The following RGPD2 variants were observed in gnomAD, a reference collection of about 807,000 sequenced individuals.
RGPD2 encodes the protein RANBP2-like and GRIP domain-containing protein 2.
In RGPD2, 2 loss-of-function variants were observed where a neutral mutation model predicts 36.0. The observed-to-expected ratio is 0.06, with a 90% CI of 0.02 to 0.17. RGPD2 has a LOEUF of 0.17. RGPD2 is among the 10% of genes least tolerant of loss of function. The pLI, the probability that RGPD2 is intolerant of heterozygous loss-of-function variation, is 1.00. For synonymous variants in RGPD2, 19 were observed against 163.8 expected, an observed-to-expected ratio of 0.12 and a Z score of 6.75; for missense variants, 40 against 464.3, an observed-to-expected ratio of 0.09 and a Z score of 8.40.
the RGPD2 span, among the ~76,000 whole-genome samples, chr2:87,947,747 T>C: frequency 1.3e-5 from 2 of 152,272 alleles, no homozygotes; most frequent in Non-Finnish European, 2.9e-5. Context: ...GCCATGCCAC[T>C]GAAAGGTCAT....
At chr2:87,877,029 G>A in the RGPD2 span, among the ~76,000 whole-genome samples, 2 of 152,276 alleles carry the variant, frequency 1.3e-5, no homozygotes, top group Non-Finnish European at 2.9e-5. Flanking sequence ...TGCAACCCCT[G>A]CTTTTTTCTG....
the RGPD2 span, among the ~76,000 whole-genome samples, chr2:87,831,396 T>C: frequency 6.6e-6 from 1 of 152,266 alleles, no homozygotes; most frequent in East Asian, 1.9e-4. Flanking sequence ...AGATGTAATA[T>C]TTGAATATGT....
At chr2:87,980,351 C>CAA in the RGPD2 span, among the ~76,000 whole-genome samples, 5 of 3,392 alleles carry the variant, frequency 1.5e-3, no homozygotes, top group African/African-American at 2.4e-3. Flanking sequence ...TACTCCGTCT[C>CAA]AAAAAAAAAA....
the RGPD2 span, among the ~76,000 whole-genome samples, chr2:87,866,532 C>T: frequency 1.3e-5 from 2 of 152,140 alleles, no homozygotes; most frequent in Non-Finnish European, 2.9e-5. Context: ...AGTGTTTGGC[C>T]TAGCCACCAC....
At chr2:87,884,441 CA>C in the RGPD2 span, among the ~76,000 whole-genome samples, 3 of 151,432 alleles carry the variant, frequency 2.0e-5, no homozygotes, top group East Asian at 3.8e-4. Context: ...AAGAAAATAA[CA>C]AAGGTCAGAG....
the RGPD2 span, among the ~76,000 whole-genome samples, chr2:87,948,379 G>A: frequency 6.7e-6 from 1 of 150,248 alleles, no homozygotes; most frequent in South Asian, 2.1e-4. Context: ...CAATTATTGT[G>A]TGCTTTTTTT....
chr2:87,911,694 G>A, the RGPD2 span, among the ~76,000 whole-genome samples: 5 of 152,132 alleles, frequency 3.3e-5, no homozygotes, highest in South Asian at 6.2e-4. Flanking sequence ...AAAATAGTGT[G>A]TTATACTGCT....
chr2:87,922,042 C>T, the RGPD2 span, among the ~76,000 whole-genome samples: 1 of 151,176 alleles, frequency 6.6e-6, no homozygotes, highest in African/African-American at 2.5e-5. Context: ...GCCTGTAATC[C>T]CAGCACTTTG....
the RGPD2 span, among the ~76,000 whole-genome samples, chr2:87,943,699 T>C: frequency 6.6e-6 from 1 of 151,806 alleles, no homozygotes; most frequent in African/African-American, 2.4e-5. Flanking sequence ...AAGTCTTTCC[T>C]ATAGCATCTT....
chr2:87,914,998 T>C, the RGPD2 span, among the ~76,000 whole-genome samples: 2 of 151,910 alleles, frequency 1.3e-5, no homozygotes, highest in African/African-American at 4.8e-5. Flanking sequence ...AAATACAAAA[T>C]TAGCGAGGCA....
At chr2:87,899,728 C>T in the RGPD2 span, among the ~76,000 whole-genome samples, 1 of 115,874 alleles carries the variant, frequency 8.6e-6, no homozygotes, top group Middle Eastern at 3.9e-3. Context: ...AAGCCACAGG[C>T]ACGGAGCTGC....
At chr2:87,871,588 G>A in the RGPD2 span, among the ~76,000 whole-genome samples, 75 of 150,828 alleles carry the variant, frequency 5.0e-4, no homozygotes, top group Non-Finnish European at 7.4e-4. Flanking sequence ...ATTCAGGTCC[G>A]GGTGCGGTGG....
the RGPD2 span, among the ~76,000 whole-genome samples, chr2:87,836,346 AAAAAGAAAAG>A: frequency 6.7e-6 from 1 of 148,998 alleles, no homozygotes; most frequent in Non-Finnish European, 1.5e-5. Flanking sequence ...AGGAAGGAAA[AAAAAGAAAAG>A]AAAAGAAAGG....
At chr2:87,915,435 ATG>A in the RGPD2 span, among the ~76,000 whole-genome samples, 9 of 138,092 alleles carry the variant, frequency 6.5e-5, no homozygotes, top group Admixed American at 3.0e-4. Context: ...GTATATATGT[ATG>A]TGTATATATA....
chr2:87,969,663 A>AG, the RGPD2 span, among the ~76,000 whole-genome samples: 6 of 106,404 alleles, frequency 5.6e-5, no homozygotes, highest in African/African-American at 2.1e-4. Context: ...GTCTCAAAAA[A>AG]AAAAAAAAAA....
chr2:87,966,282 G>A, the RGPD2 span, among the ~76,000 whole-genome samples: 354 of 150,692 alleles, frequency 2.3e-3, no homozygotes, highest in African/African-American at 7.4e-3. Flanking sequence ...GCAATGGAAC[G>A]AAAAATAAAG....
chr2:87,919,951 T>C, the RGPD2 span, among the ~76,000 whole-genome samples: 9 of 152,030 alleles, frequency 5.9e-5, no homozygotes, highest in African/African-American at 2.2e-4. Flanking sequence ...TGATCAGATA[T>C]GTAATATCTA....
At chr2:87,847,245 C>T in the RGPD2 span, among the ~76,000 whole-genome samples, 2 of 152,066 alleles carry the variant, frequency 1.3e-5, no homozygotes, top group South Asian at 4.1e-4. Context: ...GGATGACATA[C>T]CATTGTGTTT....
At chr2:87,847,484 C>T in the RGPD2 span, among the ~76,000 whole-genome samples, 2 of 148,022 alleles carry the variant, frequency 1.4e-5, no homozygotes, top group East Asian at 3.9e-4. Flanking sequence ...AAGTATTTGA[C>T]ATAATTGTTT....
Sources: allele counts gnomAD v4.1 joint callset (sites outside exome capture counted in the v4.1 genomes callset), GRCh38; gene constraint gnomAD v4.1.1; transcripts MANE v1.5; gene names NCBI Gene and HGNC (gene_info 2026-07-23, HGNC 2026-07-21).